Variants in EVC observed in about 807,000 individuals in gnomAD.
EVC encodes EvC ciliary complex subunit 1.
Under a neutral mutation model 118.9 loss-of-function variants are expected in EVC, and 116 were observed. That is an observed-to-expected ratio of 0.98 (90% confidence interval 0.84 to 1.14). The LOEUF (loss-of-function observed/expected upper bound fraction) is 1.14. Ranked by LOEUF, EVC falls within the 50% of genes most tolerant of loss-of-function variation. EVC has a pLI of 0.00. For synonymous variants in EVC, 619 were observed against 534.7 expected (o/e 1.16, Z -2.18); for missense variants, 1,401 against 1,246.4 (o/e 1.12, Z -1.87).
At chr4:5,821,922 T>C in the EVC span, 5 of 1,223,164 alleles carry the variant, frequency 4.1e-6, no homozygotes, top group South Asian at 1.4e-5. This position sits in a 1 kb window ranked among gnomAD's most constrained non-coding sequence, Gnocchi z 4.4. Flanking sequence ...CTGGAGGCCA[T>C]GTACTCTGCC....
chr4:5,809,357 GCTCC>G (rs1716518954), intron 18 of EVC, among the ~76,000 whole-genome samples, 157 bp from the exon 19 acceptor site: 1 of 152,182 alleles, frequency 6.6e-6, no homozygotes. Context: ...GTGTCCTCCT[GCTCC>G]TCTCCTCTCT....
chr4:5,798,759 C>T lies in EVC; in HGVS notation c.2271C>T (p.Thr757=), dbSNP rs918804667. The part of the protein sequence containing the change: ...ALLVHARNAA[T]KSRAKDRDDF... ...TGGTGCATGCACGGAATGCAGCCAC[C>T]AAGAGCCGGGCCAAGGACAGGGATG... The change falls in exon 15 of 21, where the codon ACC becomes ACT. Residue 757 remains threonine, a synonymous_variant. Coordinates refer to ENST00000264956, the MANE Select transcript of EVC (RefSeq NM_153717.3). This position sits in a 1 kb window ranked among gnomAD's most constrained non-coding sequence, Gnocchi z 4.1. The T allele has an allele frequency of 1.9e-6, 3 of 1,611,110 alleles. No individual in the cohort carries two copies. The highest frequency in any genetic ancestry group is 2.5e-6 in the Non-Finnish European group (3 of 1,179,982).
chr4:5,756,275 G>C lies in EVC; in HGVS notation c.1476G>C (p.Glu492Asp), dbSNP rs1577453733. The C allele has an allele frequency of 6.2e-7, 1 of 1,612,572 alleles. No homozygotes were observed. Among genetic ancestry groups the C allele is most frequent in the Non-Finnish European group, 8.5e-7 (1 of 1,179,530 alleles). Residue 492 changes from glutamate to aspartate, a missense_variant, in exon 11 of 21, where the codon GAG (glutamate) becomes GAC (aspartate). Physicochemically the swap from Glu to Asp is conservative, Grantham distance 45. Coordinates refer to ENST00000264956, the MANE Select transcript of EVC (RefSeq NM_153717.3). This position sits in a 1 kb window ranked among gnomAD's most constrained non-coding sequence, Gnocchi z 4.2. ...DPEKFLEAFH[E>D]VLERQRLMQC... Reference sequence around the variant, plus strand: ...TGTTTTCCTCACAGGCTTTTCATGAGGTCCTGGAGAGGCAGAGGCTGATGC... The same window carrying C: ...TGTTTTCCTCACAGGCTTTTCATGACGTCCTGGAGAGGCAGAGGCTGATGC...
intron 12 of EVC, among the ~76,000 whole-genome samples, chr4:5,785,497 C>A (rs1015077527): frequency 2.0e-5 from 3 of 152,188 alleles, no homozygotes; most frequent in Admixed American, 1.3e-4. Context: ...TAGAGGAGAG[C>A]GTTATGCAAA....
downstream of EVC, among the ~76,000 whole-genome samples, chr4:5,815,689 G>A (rs1717560016): frequency 6.6e-6 from 1 of 152,208 alleles, no homozygotes; most frequent in African/African-American, 2.4e-5. Flanking sequence ...GAAACCAGAG[G>A]AGTGGGAGAT....
At chr4:5,717,148 C>T (rs981278560) in intron 1 of EVC, among the ~76,000 whole-genome samples, 5 of 152,094 alleles carry the variant, frequency 3.3e-5, no homozygotes, top group African/African-American at 4.8e-5. Flanking sequence ...TCTCTCACTT[C>T]GATTCTCTTT....
chr4:5,793,426 C>G (rs1713163658), intron 12 of EVC, 182 bp from the exon 13 acceptor site: 1 of 651,666 alleles, frequency 1.5e-6, no homozygotes, highest in African/African-American at 1.8e-5. Context: ...TTCCTAAATG[C>G]AAATAGGAAA....
At chr4:5,825,907 ACAC>A in the EVC span, 3 of 518,676 alleles carry the variant, frequency 5.8e-6, no homozygotes, top group Middle Eastern at 4.9e-4. This position sits in a 1 kb window ranked among gnomAD's most constrained non-coding sequence, Gnocchi z 4.4. Context: ...ACAGACGCAC[ACAC>A]CACGCACACG....
intron 11 of EVC, among the ~76,000 whole-genome samples, chr4:5,766,175 C>A (rs942753074): frequency 6.7e-6 from 1 of 150,312 alleles, no homozygotes; most frequent in African/African-American, 2.5e-5. Flanking sequence ...CATAGTTTGG[C>A]TGGATATGAA....
In EVC at chr4:5,749,368, C is replaced by G. The variant is rs6812734; in HGVS notation, c.1098+1062C>G. Among the ~76,000 whole-genome samples the G allele has an allele frequency of 0.79, 115,682 of 146,024 alleles. 45,916 individuals carry two copies. Among genetic ancestry groups the G allele is most frequent in the African/African-American group, 0.83 (32,465 of 39,160 alleles). ...AAAAAAAAAAAAAAAAAAGGTCCCTCCTTATTTTTGTGAAGCCTGCCAACC... is the reference window on the plus strand; with the variant it reads ...AAAAAAAAAAAAAAAAAAGGTCCCTGCTTATTTTTGTGAAGCCTGCCAACC... On this transcript the variant is annotated intron_variant, in intron 8 of 20. Transcript: ENST00000264956. This position sits in a 1 kb window ranked among gnomAD's most constrained non-coding sequence, Gnocchi z 4.4.
intron 17 of EVC, among the ~76,000 whole-genome samples, chr4:5,805,891 CTTTTTT>C (rs4045512): frequency 8.1e-6 from 1 of 123,970 alleles, no homozygotes; most frequent in African/African-American, 3.0e-5. Context: ...AGTTTCTTTT[CTTTTTT>C]TTTTTTTTTT....
intron 11 of EVC, among the ~76,000 whole-genome samples, chr4:5,769,038 C>G (rs1472412853): frequency 2.0e-5 from 3 of 152,028 alleles, no homozygotes; most frequent in Non-Finnish European, 4.4e-5. Context: ...GGCACAGTGG[C>G]TGTGAGATAC....
At chr4:5,821,062 G>A in the EVC span, 1 of 152,286 alleles carries the variant, frequency 6.6e-6, no homozygotes, top group African/African-American at 2.4e-5. The surrounding 1 kb of genome is among the most constrained non-coding windows in gnomAD (Gnocchi z 4.4). Flanking sequence ...CTGGCTTGAA[G>A]AACACACACA....
At position 5,741,771 on chromosome 4, in the gene EVC, C is replaced by G. The variant is rs762795511; in HGVS notation, c.758C>G (p.Ser253Ter). Residue 253 changes from serine to a stop codon, truncating the protein, a stop_gained, in exon 6 of 21, where the codon TCA becomes TGA. Transcript: ENST00000264956. LOFTEE classifies it high-confidence loss of function. ...CLLDLLPKKK[S>*]DDELYQKILS... ...CTTGACCTTCTTCCTAAAAAGAAGTCAGATGATGAACTATACCAGAAGATC... is the reference window on the plus strand; with the variant it reads ...CTTGACCTTCTTCCTAAAAAGAAGTGAGATGATGAACTATACCAGAAGATC... 1 of 1,571,838 alleles carries G rather than the reference C, an allele frequency of 6.4e-7. No individual in the cohort carries two copies. Among genetic ancestry groups the G allele is most frequent in the Non-Finnish European group, 8.8e-7 (1 of 1,142,840 alleles).
At chr4:5,723,390 C>T (rs983977248) in intron 2 of EVC, among the ~76,000 whole-genome samples, 11 of 151,994 alleles carry the variant, frequency 7.2e-5, no homozygotes, top group Non-Finnish European at 1.6e-4. Context: ...GGGCTTCCAC[C>T]ATGTTGGTCA....
chr4:5,816,033 G>C (rs1240794334), downstream of EVC, among the ~76,000 whole-genome samples: 1 of 152,154 alleles, frequency 6.6e-6, no homozygotes, highest in African/African-American at 2.4e-5. Context: ...ATGGCTTATA[G>C]ATTTGGCTGT....
At chr4:5,821,922 T>G in the EVC span, 1 of 1,223,162 alleles carries the variant, frequency 8.2e-7, no homozygotes, top group Non-Finnish European at 1.1e-6. The surrounding 1 kb of genome is among the most constrained non-coding windows in gnomAD (Gnocchi z 4.4). Context: ...CTGGAGGCCA[T>G]GTACTCTGCC....
chr4:5,815,090 T>C (rs778015508), downstream of EVC, among the ~76,000 whole-genome samples: 2 of 152,198 alleles, frequency 1.3e-5, no homozygotes, highest in African/African-American at 2.4e-5. Context: ...TCACCTGATA[T>C]GCAGTGGCAT....
rs1010840090 is a variant in EVC, at chr4:5,746,645, C to T, written c.939+1304C>T. On this transcript the variant is annotated intron_variant, in intron 7 of 20. Transcript: ENST00000264956. The surrounding 1 kb of genome is among the most constrained non-coding windows in gnomAD (Gnocchi z 5.8). ...TTCCGGTGGTCCACAGAACCCCCAA[C>T]GCTGTGTGCAGTATCTTGTCCATGT... Among the ~76,000 whole-genome samples the T allele has an allele frequency of 1.3e-5, 2 of 152,204 alleles. No individual in the cohort carries two copies. Among genetic ancestry groups the T allele is most frequent in the Admixed American group, 6.5e-5 (1 of 15,298 alleles).
Sources: gnomAD v4.1 joint callset for allele counts (sites outside exome capture counted in the v4.1 genomes callset) on GRCh38, gnomAD v4.1.1 for gene constraint, Gnocchi (gnomAD v3.1) non-coding constraint, MANE v1.5 for transcripts, NCBI Gene and HGNC (gene_info 2026-07-23, HGNC 2026-07-21) for gene names.